The following AMMECR1 variants were observed in gnomAD, a reference collection of about 807,000 sequenced individuals.
AMMECR1 encodes nuclear protein AMMECR1.
A neutral mutation model predicts 22.5 loss-of-function variants in AMMECR1; 3 were observed. The ratio of observed to expected loss-of-function variants is 0.13; its 90% CI spans 0.06 to 0.35. The LOEUF is 0.35. Ranked by LOEUF, AMMECR1 falls within the 10% of genes least tolerant of loss-of-function variation. The pLI, the probability that AMMECR1 is intolerant of heterozygous loss-of-function variation, is 1.00. For missense variants in AMMECR1, 235 were observed against 278.7 expected (o/e 0.84, Z 1.12); for synonymous variants, 130 against 116.7 (o/e 1.11, Z -0.74).
At chrX:110,265,620 C>A (rs1442932275) in intron 1 of AMMECR1, among the ~76,000 whole-genome samples, 1 of 111,455 alleles carries the variant, frequency 9.0e-6, no homozygotes, top group African/African-American at 3.3e-5. Flanking sequence ...ATAATTTACC[C>A]ATTTTAGGAC....
At chrX:110,422,628 C>T (rs1420179368) in intron 2 of AMMECR1, among the ~76,000 whole-genome samples, 7 of 112,492 alleles carry the variant, frequency 6.2e-5, no homozygotes, top group Middle Eastern at 4.6e-3. Context: ...CAAATTTCCT[C>T]GCAGCAGCTA....
chrX:110,295,457 C>A (rs777204883), intron 1 of AMMECR1, among the ~76,000 whole-genome samples: 1 of 111,037 alleles, frequency 9.0e-6, no homozygotes, highest in East Asian at 2.8e-4. Flanking sequence ...GAGCAATAAT[C>A]AATTCTTAAC....
chrX:110,247,122 A>G (rs2067661914), intron 2 of AMMECR1, among the ~76,000 whole-genome samples: 1 of 112,494 alleles, frequency 8.9e-6, no homozygotes, highest in African/African-American at 3.2e-5. Context: ...TTTCTCTTCA[A>G]CTACATCATT....
At chrX:110,318,549 C>T (rs1460610428), upstream of AMMECR1, among the ~76,000 whole-genome samples, 2 of 110,378 alleles carry the variant, frequency 1.8e-5, no homozygotes, top group Non-Finnish European at 3.8e-5. Flanking sequence ...CAAAGCACAG[C>T]TCAGTAACCC....
intron 3 of AMMECR1, among the ~76,000 whole-genome samples, chrX:110,209,670 G>A (rs1312413070): frequency 9.0e-6 from 1 of 111,173 alleles, no homozygotes; most frequent in Non-Finnish European, 1.9e-5. Flanking sequence ...TGAAACAGAA[G>A]CCATCTTTTA....
intron 2 of AMMECR1, among the ~76,000 whole-genome samples, chrX:110,357,915 C>T (rs1298774802): frequency 1.8e-5 from 2 of 111,283 alleles, no homozygotes; most frequent in Admixed American, 9.6e-5. Flanking sequence ...GGGGTGTTTA[C>T]GAGACTGACT....
At chrX:110,416,510 A>G (rs1317351058) in intron 2 of AMMECR1, among the ~76,000 whole-genome samples, 2 of 110,952 alleles carry the variant, frequency 1.8e-5, no homozygotes, top group Non-Finnish European at 3.8e-5. Context: ...GGGGTCACTC[A>G]GGCTAGCATG....
chrX:110,221,378 C>G (rs1436633559), intron 2 of AMMECR1, among the ~76,000 whole-genome samples: 1 of 111,539 alleles, frequency 9.0e-6, no homozygotes, highest in African/African-American at 3.3e-5. Context: ...CACTAAGTAG[C>G]AATTTTAGCT....
chrX:110,342,745 A>G (rs1254243980), intron 2 of AMMECR1, among the ~76,000 whole-genome samples: 2 of 112,085 alleles, frequency 1.8e-5, no homozygotes, highest in Non-Finnish European at 3.8e-5. Flanking sequence ...TGGCCTTAAT[A>G]TACTACTTAA....
chrX:110,341,078 G>GT (rs778074588), intron 2 of AMMECR1, among the ~76,000 whole-genome samples: 1 of 112,410 alleles, frequency 8.9e-6, no homozygotes, highest in South Asian at 3.6e-4. Context: ...ACATGTTTTA[G>GT]TTTTTTATGT....
chrX:110,417,668 C>T (rs183234310), intron 2 of AMMECR1, among the ~76,000 whole-genome samples: 1 of 111,896 alleles, frequency 8.9e-6, no homozygotes, highest in Admixed American at 9.4e-5. Flanking sequence ...AAGAATGGAC[C>T]AAACCAGTTC....
chrX:110,291,473 C>T (rs969465088), intron 1 of AMMECR1, among the ~76,000 whole-genome samples: 2 of 111,377 alleles, frequency 1.8e-5, no homozygotes, highest in Non-Finnish European at 3.8e-5. Flanking sequence ...TCGCAGTGAG[C>T]AGAGATCGTG....
rs2068618177 is a variant in AMMECR1 at position 110,408,453 on chromosome X, A to G, written c.-148+18205T>C. Among the ~76,000 whole-genome samples, 3 of 112,744 alleles carry G rather than the reference A, an allele frequency of 2.7e-5. No individual in the cohort carries two copies. In the Admixed American group the frequency reaches 2.8e-4, roughly 11 times the overall value. ...AATGAAAAATAGTCTAGCATCCCGA[A>G]TAATTTTTGAATGTTCTGCTGGACT... On this transcript the variant is annotated intron_variant, in intron 2 of 7. Coordinates refer to the AMMECR1 transcript ENST00000372057.
rs771466175 is a variant in AMMECR1 at position 110,197,309 on chromosome X, T to A, written c.*1211A>T. ...TAGTATCTCTAAAACTCTAATATTG[T>A]CCCCATGACAAACATATCTGAAATC... is the stretch of plus-strand genomic sequence containing the variant. On this transcript the variant is annotated 3_prime_UTR_variant, in exon 6 of 6. Coordinates refer to ENST00000262844, the MANE Select transcript of AMMECR1 (RefSeq NM_015365.3). 4.2e-4 allele frequency: 47 copies of A among 112,331 alleles called. No homozygotes were observed. The highest frequency in any genetic ancestry group is 8.3e-4 in the Non-Finnish European group (44 of 53,177). 9.3% of individuals were successfully genotyped at this position (112,331 alleles called of 1,213,427 possible). A position where few individuals can be genotyped will look rare whatever the true frequency, so the allele number is the denominator to read the frequency against.
chrX:110,362,369 C>T (rs1292147215), intron 2 of AMMECR1, among the ~76,000 whole-genome samples: 1 of 111,897 alleles, frequency 8.9e-6, no homozygotes, highest in East Asian at 2.8e-4. Context: ...CTATTTAACC[C>T]TCCTGACTCA....
intron 2 of AMMECR1, among the ~76,000 whole-genome samples, chrX:110,216,871 T>A (rs759451138): frequency 9.0e-6 from 1 of 111,276 alleles, no homozygotes; most frequent in Admixed American, 9.6e-5. Flanking sequence ...AAAGAGAGAA[T>A]CATCAATTAC....
chrX:110,214,263 G>GA lies in AMMECR1; in HGVS notation c.699+2254dup, dbSNP rs772336864. Among the ~76,000 whole-genome samples, 251 of 95,977 alleles carry GA rather than the reference G, an allele frequency of 2.6e-3. 1 individual carries two copies. Among genetic ancestry groups the GA allele is most frequent in the African/African-American group, 6.1e-3 (160 of 26,434 alleles). The allele number at this position is 95,977 out of a possible 115,157, so 83.3% of individuals were successfully genotyped here. A position where few individuals can be genotyped will look rare whatever the true frequency, so the allele number is the denominator to read the frequency against. On this transcript the variant is annotated intron_variant, in intron 3 of 5. Coordinates refer to ENST00000262844, the MANE Select transcript of AMMECR1 (RefSeq NM_015365.3). ...GGGCGACTGAGCGAGACTCTGTCTC[G>GA]AAAAAAAAAAAAAGTGTATTTTTTG...
At chrX:110,286,544 C>T (rs1433921858) in intron 1 of AMMECR1, among the ~76,000 whole-genome samples, 1 of 107,704 alleles carries the variant, frequency 9.3e-6, no homozygotes, top group African/African-American at 3.4e-5. Flanking sequence ...TGGTGTTGTG[C>T]GCCTGTAGTC....
In AMMECR1 at chrX:110,317,736, G is replaced by A. The variant is rs1221465652; in HGVS notation, c.336C>T (p.Ser112=). Residue 112 remains serine (S), a synonymous_variant, in exon 1 of 6, where the codon TCC becomes TCT. Transcript: ENST00000262844. ...AGCCCGGCGATGAGGACGAGGCGGC[G>A]GACGATGAGGAGGGTGAGGAAGAGG... ...AATSSSPSSS[S]AASSSSPGSR... is the part of the protein sequence containing the mutation. 3 of 1,195,066 alleles carry A rather than the reference G, an allele frequency of 2.5e-6. No individual in the cohort carries two copies. The highest frequency in any genetic ancestry group is 3.0e-5 in the East Asian group (1 of 33,022).
Sources: gnomAD v4.1 joint callset for allele counts (sites outside exome capture counted in the v4.1 genomes callset) on GRCh38, gnomAD v4.1.1 for gene constraint, MANE v1.5 for transcripts, NCBI Gene and HGNC (gene_info 2026-07-23, HGNC 2026-07-21) for gene names.